The following IMMP2L variants were observed in gnomAD, a reference collection of about 807,000 sequenced individuals.
The protein encoded by IMMP2L is inner mitochondrial membrane peptidase subunit 2.
In IMMP2L, 18 loss-of-function variants were observed where a neutral mutation model predicts 19.3. The ratio of observed to expected loss-of-function variants is 0.93; its 90% CI spans 0.64 to 1.38. The LOEUF (loss-of-function observed/expected upper bound fraction) is 1.38, where lower values mean the gene tolerates loss of function less well. Ranked by LOEUF, IMMP2L falls within the 40% of genes most tolerant of loss-of-function variation. IMMP2L has a pLI of 0.00. For synonymous variants in IMMP2L, 76 were observed against 73.0 expected (o/e 1.04, Z -0.21); for missense variants, 233 against 218.2 (o/e 1.07, Z -0.43).
chr7:111,332,864 A>T (rs573062099), intron 3 of IMMP2L, among the ~76,000 whole-genome samples: 37 of 152,228 alleles, frequency 2.4e-4, no homozygotes, highest in African/African-American at 7.5e-4. Context: ...AGCACTTTTT[A>T]AAAAAGGCTC....
chr7:111,331,485 G>C (rs1825869507), intron 3 of IMMP2L, among the ~76,000 whole-genome samples: 1 of 151,648 alleles, frequency 6.6e-6, no homozygotes, highest in Non-Finnish European at 1.5e-5. Context: ...GCTTTTTTTA[G>C]TTCTATTGCA....
chr7:110,815,123 A>T (rs1488582322), intron 5 of IMMP2L, among the ~76,000 whole-genome samples: 1 of 152,114 alleles, frequency 6.6e-6, no homozygotes, highest in Non-Finnish European at 1.5e-5. Context: ...AGCTCCTATT[A>T]TTTTGAGATA....
chr7:110,868,344 A>C (rs1483225913), intron 5 of IMMP2L, among the ~76,000 whole-genome samples: 1 of 152,098 alleles, frequency 6.6e-6, no homozygotes, highest in East Asian at 1.9e-4. Flanking sequence ...TAATTACAGG[A>C]ATAGTAATTA....
chr7:111,462,068 C>T (rs1256577713), intron 3 of IMMP2L, among the ~76,000 whole-genome samples: 1 of 151,328 alleles, frequency 6.6e-6, no homozygotes, highest in Non-Finnish European at 1.5e-5. Flanking sequence ...GTGATTTTTA[C>T]AAACATCTTT....
At position 110,682,990 on chromosome 7, in the gene IMMP2L, G is replaced by C. The variant is rs958925922; in HGVS notation, c.409-19269C>G. ...AGCTCATGAGACTTATGTACAAGTA[G>C]AGAAGCATTGCTCTGCTTATAAAAA... On this transcript the variant is annotated intron_variant, in intron 5 of 5. Coordinates refer to ENST00000405709, the MANE Select transcript of IMMP2L (RefSeq NM_032549.4). 1.9e-4 allele frequency among the ~76,000 whole-genome samples: 29 copies of C among 152,084 alleles called. 1 individual carries two copies. The highest frequency in any genetic ancestry group is 6.5e-4 in the African/African-American group (27 of 41,426).
chr7:110,794,862 A>C (rs1800754045), intron 5 of IMMP2L, among the ~76,000 whole-genome samples: 1 of 152,122 alleles, frequency 6.6e-6, no homozygotes, highest in Admixed American at 6.6e-5. Context: ...TGAATTAATT[A>C]ATAAATAATG....
chr7:111,260,577 T>C (rs780534924), intron 3 of IMMP2L, among the ~76,000 whole-genome samples: 1 of 152,102 alleles, frequency 6.6e-6, no homozygotes, highest in Admixed American at 6.6e-5. Flanking sequence ...ATGGCACCTA[T>C]AAGGTAATGT....
At chr7:111,275,418 G>C (rs1270239907) in intron 3 of IMMP2L, among the ~76,000 whole-genome samples, 3 of 152,128 alleles carry the variant, frequency 2.0e-5, no homozygotes, top group Non-Finnish European at 4.4e-5. Flanking sequence ...CCCCCAACTA[G>C]CATTTCTATA....
At chr7:111,055,064 T>TC (rs201589517) in intron 3 of IMMP2L, among the ~76,000 whole-genome samples, 2,928 of 151,038 alleles carry the variant, frequency 0.019, 102 homozygotes, top group African/African-American at 0.068. Flanking sequence ...TTTTTTTTTT[T>TC]CCCAGAAACA....
At chr7:110,938,439 C>T (rs920375620) in intron 4 of IMMP2L, among the ~76,000 whole-genome samples, 1 of 152,138 alleles carries the variant, frequency 6.6e-6, no homozygotes, top group East Asian at 1.9e-4. Flanking sequence ...ATTTTCTGAG[C>T]TAGACTGGAC....
chr7:111,360,114 C>T (rs1829117712), intron 3 of IMMP2L, among the ~76,000 whole-genome samples: 2 of 101,100 alleles, frequency 2.0e-5, no homozygotes, highest in South Asian at 2.5e-4. Flanking sequence ...ATTACAATTT[C>T]GCCATAATGT....
chr7:111,194,730 T>A (rs1364528298), intron 3 of IMMP2L, among the ~76,000 whole-genome samples: 1 of 152,182 alleles, frequency 6.6e-6, no homozygotes, highest in Admixed American at 6.5e-5. Flanking sequence ...TATTGCTTTA[T>A]AAAATTTCCT....
At chr7:111,090,946 A>T (rs1796794913) in intron 3 of IMMP2L, 1 of 152,174 alleles carries the variant, frequency 6.6e-6, no homozygotes, top group African/African-American at 2.4e-5. Flanking sequence ...CTAGGAAAAC[A>T]TGCAAGCCTG....
At chr7:111,263,103 T>C (rs967481137) in intron 3 of IMMP2L, among the ~76,000 whole-genome samples, 10 of 152,082 alleles carry the variant, frequency 6.6e-5, no homozygotes, top group African/African-American at 2.2e-4. Context: ...GGCCTTTGAC[T>C]TCTGCTCTGA....
intron 3 of IMMP2L, among the ~76,000 whole-genome samples, chr7:111,167,926 T>C (rs537216033): frequency 6.6e-6 from 1 of 152,128 alleles, no homozygotes; most frequent in African/African-American, 2.4e-5. Flanking sequence ...TCTGCTTATT[T>C]TTTTTATTTT....
chr7:110,714,224 A>G (rs1795093268), intron 5 of IMMP2L, among the ~76,000 whole-genome samples: 1 of 152,164 alleles, frequency 6.6e-6, no homozygotes, highest in Admixed American at 6.5e-5. Context: ...GGTGAATCAC[A>G]TTTATTGACT....
intron 1 of IMMP2L, among the ~76,000 whole-genome samples, chr7:111,539,228 AAGAAAGAAAGAAAGAAAGAAAG>A (rs1406651744): frequency 2.4e-4 from 30 of 126,284 alleles, no homozygotes; most frequent in African/African-American, 8.5e-4. Context: ...GAAAGAAAGA[AAGAAAGAAAGAAAGAAAGAAAG>A]AAAGAAAGAA....
chr7:111,094,807 A>G (rs1053658305), intron 3 of IMMP2L, among the ~76,000 whole-genome samples: 1 of 152,154 alleles, frequency 6.6e-6, no homozygotes, highest in African/African-American at 2.4e-5. Flanking sequence ...AAGGAAGTCA[A>G]ATTCTAATAT....
chr7:111,221,973 T>C (rs921382704), intron 3 of IMMP2L, among the ~76,000 whole-genome samples: 1 of 151,950 alleles, frequency 6.6e-6, no homozygotes, highest in East Asian at 1.9e-4. Flanking sequence ...AGAGATGGCA[T>C]CACAGTCAGC....
Sources: allele counts gnomAD v4.1 joint callset (sites outside exome capture counted in the v4.1 genomes callset), GRCh38; gene constraint gnomAD v4.1.1; transcripts MANE v1.5; gene names NCBI Gene and HGNC (gene_info 2026-07-23, HGNC 2026-07-21).